Variants in POTEC observed in about 807,000 individuals in gnomAD.
POTEC encodes ANKRD26-like family B member 2.
In POTEC, 35 loss-of-function variants were observed where a neutral mutation model predicts 62.0. The observed-to-expected ratio is 0.56, with a 90% CI of 0.43 to 0.75. POTEC has a LOEUF of 0.75. Ranked by LOEUF, POTEC falls within the 30% of genes least tolerant of loss-of-function variation. The pLI, the probability that POTEC is intolerant of heterozygous loss-of-function variation, is 0.00. For synonymous variants in POTEC, 156 were observed against 221.5 expected, an observed-to-expected ratio of 0.70 and a Z score of 2.62; for missense variants, 472 against 655.9, an observed-to-expected ratio of 0.72 and a Z score of 3.06.
intron 6 of POTEC, chr18:14,529,034 C>T (rs1304746118): frequency 2.2e-6 from 1 of 454,318 alleles, no homozygotes; most frequent in Admixed American, 2.4e-5. Flanking sequence ...CATTATTCTT[C>T]TGCTTCTTTA....
In POTEC at chr18:14,530,490, G is replaced by A. The variant is rs773813951; in HGVS notation, c.1119C>T (p.Ser373=). ...CATTATCACAAGTCTTACCTGGATT[G>A]CTGTTTTCAGAAGAGATTTTTAGCA... The part of the protein sequence containing the change: ...KQMLKISSEN[S]NPEQDLKLTS... The change falls in exon 6 of 11, where the codon AGC becomes AGT. Residue 373 remains serine (S), a synonymous_variant. Coordinates refer to ENST00000358970, the MANE Select transcript of POTEC (RefSeq NM_001137671.2). 6.3e-7 allele frequency: 1 copy of A among 1,596,740 alleles called. No individual in the cohort carries two copies. Among genetic ancestry groups the A allele is most frequent in the Non-Finnish European group, 8.5e-7 (1 of 1,172,000 alleles).
At position 14,513,788 on chromosome 18, in the gene POTEC, A is replaced by G. The variant is rs779244281; in HGVS notation, c.1410-3T>C. On this transcript the variant is annotated splice_polypyrimidine_tract_variant and splice_region_variant and intron_variant, in intron 9 of 10. Transcript: ENST00000358970. ...TCCGGGTATCATTTTGTTCGTCACT[A>G]GAAGAAATTTTAATTTTCATGAAAT... 83 of 1,606,258 alleles carry G rather than the reference A, an allele frequency of 5.2e-5. No individual in the cohort carries two copies. The highest frequency in any genetic ancestry group is 2.9e-4 in the South Asian group (26 of 89,490).
chr18:14,518,109 T>C (rs1910213186), intron 9 of POTEC, among the ~76,000 whole-genome samples: 1 of 152,188 alleles, frequency 6.6e-6, no homozygotes, highest in Non-Finnish European at 1.5e-5. Context: ...TGAGAATTAA[T>C]CAAACAATAT....
rs199534334 is a variant in POTEC, at chr18:14,542,744, C to T, written c.403G>A (p.Val135Ile). Residue 135 changes from valine to isoleucine, a missense_variant, in exon 1 of 11, where the codon GTC (valine) becomes ATC (isoleucine). Transcript: ENST00000358970. The stretch of plus-strand genomic sequence containing the variant: ...AGCTTGTCCAGATCTTCTCGACGGA[C>T]GTGGTACCTCGGCTCCATGAAGGCG... ...DSAFMEPRYH[V>I]RREDLDKLHR... 5 of 1,613,334 alleles carry T rather than the reference C, an allele frequency of 3.1e-6. No homozygotes were observed. The highest frequency in any genetic ancestry group is 2.2e-5 in the East Asian group (1 of 44,882).
At chr18:14,515,454 G>A (rs775331083) in intron 9 of POTEC, among the ~76,000 whole-genome samples, 31 of 152,006 alleles carry the variant, frequency 2.0e-4, no homozygotes, top group Non-Finnish European at 2.9e-4. Flanking sequence ...GAAAGTACAC[G>A]TTATTCAACA....
chr18:14,542,953 C>A lies in POTEC; in HGVS notation c.194G>T (p.Cys65Phe). Residue 65 changes from cysteine (C) to phenylalanine (F), a missense_variant, in exon 1 of 11, where the codon TGC becomes TTC. By Grantham distance (205) the Cys-to-Phe change is radical. Around this residue, in one of 5 missense-constraint regions of POTEC, gnomAD observed 257 missense variants for 250.7 expected, o/e 1.03. Coordinates refer to ENST00000358970, the MANE Select transcript of POTEC (RefSeq NM_001137671.2). ...CCTGCAGCAGGGGAAGCAGTGGTGG[C>A]AACACTTGCCCATCTTGCTCCTGAG... Reference protein sequence around the residue: ...KMLRSKMGKCCHHCFPCCRGS... With the variant: ...KMLRSKMGKCFHHCFPCCRGS... 1 of 1,553,524 alleles carries A rather than the reference C, an allele frequency of 6.4e-7. No homozygotes were observed. The highest frequency in any genetic ancestry group is 8.7e-7 in the Non-Finnish European group (1 of 1,148,490).
intron 6 of POTEC, among the ~76,000 whole-genome samples, chr18:14,526,934 T>C (rs2143138420): frequency 6.6e-6 from 1 of 152,286 alleles, no homozygotes; most frequent in Admixed American, 6.5e-5. Context: ...ACAGCTGAGA[T>C]GATACTACGT....
chr18:14,535,866 G>T (rs1905695578), intron 3 of POTEC, among the ~76,000 whole-genome samples: 1 of 151,900 alleles, frequency 6.6e-6, no homozygotes. Context: ...AATTTCTAAA[G>T]ACCTTCTGAA....
intron 1 of POTEC, among the ~76,000 whole-genome samples, chr18:14,539,139 G>A (rs1905847301): frequency 6.6e-6 from 1 of 151,714 alleles, no homozygotes; most frequent in Non-Finnish European, 1.5e-5. Flanking sequence ...AATAGCATGG[G>A]CTCATTTTTT....
rs1294010142 is a variant in POTEC, at chr18:14,508,099, G to C, written c.*3799C>G. The C allele has an allele frequency of 6.6e-6, 1 of 152,146 alleles. No individual in the cohort carries two copies. Among genetic ancestry groups the C allele is most frequent in the Admixed American group, 6.5e-5 (1 of 15,280 alleles). The allele number at this position is 152,146 out of a possible 1,614,324, so 9.4% of individuals were successfully genotyped here. A position where few individuals can be genotyped will look rare whatever the true frequency, so the allele number is the denominator to read the frequency against. ...GAGGTTCTCTGGATTTCCTGAAGTT[G>C]AATGTTGGCCTGTCTGGCTAGGTTG... On this transcript the variant is annotated 3_prime_UTR_variant, in exon 11 of 11. Transcript: ENST00000358970.
At position 14,522,244 on chromosome 18, in the gene POTEC, A is replaced by G. The variant is rs755246764; in HGVS notation, c.1409+10T>C. 3.2e-6 allele frequency: 5 copies of G among 1,581,576 alleles called. No homozygotes were observed. In the African/African-American group the frequency reaches 6.9e-5, roughly 22 times the overall value. Reference sequence around the variant, plus strand: ...TAGTTATCTCCTATTAAATGTTGCCATAGGCTTACCTGTGATACTCTTCAT... The same window carrying G: ...TAGTTATCTCCTATTAAATGTTGCCGTAGGCTTACCTGTGATACTCTTCAT... On this transcript the variant is annotated intron_variant, in intron 9 of 10. Transcript: ENST00000358970.
chr18:14,536,051 T>C (rs889166216), intron 3 of POTEC, among the ~76,000 whole-genome samples: 1 of 151,368 alleles, frequency 6.6e-6, no homozygotes, highest in Non-Finnish European at 1.5e-5. Context: ...GTGATTCACT[T>C]GAGCCCAGGA....
intron 6 of POTEC, chr18:14,529,029 T>C (rs1314425915): frequency 2.2e-6 from 1 of 454,368 alleles, no homozygotes; most frequent in Admixed American, 2.4e-5. Context: ...CCAAACATTA[T>C]TCTTCTGCTT....
chr18:14,514,208 G>A (rs1290138689), intron 9 of POTEC, among the ~76,000 whole-genome samples: 1 of 152,066 alleles, frequency 6.6e-6, no homozygotes, highest in East Asian at 1.9e-4. Flanking sequence ...CTCATAAGGA[G>A]TGAACAACCT....
At chr18:14,516,670 G>GT (rs1341136771) in intron 9 of POTEC, among the ~76,000 whole-genome samples, 47 of 145,392 alleles carry the variant, frequency 3.2e-4, no homozygotes, top group African/African-American at 1.2e-3. Flanking sequence ...TACTGGGGGG[G>GT]GGTGTATCCT....
chr18:14,517,848 G>A (rs1343970000), intron 9 of POTEC, among the ~76,000 whole-genome samples: 4 of 152,246 alleles, frequency 2.6e-5, no homozygotes, highest in South Asian at 4.1e-4. Flanking sequence ...GGGATACAGC[G>A]AGACTCAATC....
chr18:14,517,937 A>G (rs1215294657), intron 9 of POTEC, among the ~76,000 whole-genome samples: 1 of 152,202 alleles, frequency 6.6e-6, no homozygotes, highest in African/African-American at 2.4e-5. Flanking sequence ...GATTACTAGT[A>G]AAAGAATAAA....
chr18:14,531,656 A>G (rs1905521087), intron 5 of POTEC: 1 of 151,834 alleles, frequency 6.6e-6, no homozygotes, highest in Non-Finnish European at 1.5e-5. Flanking sequence ...AAATAGTGAA[A>G]TGATCTTCCA....
At chr18:14,534,578 T>C (rs988733555) in intron 4 of POTEC, among the ~76,000 whole-genome samples, 14 of 152,008 alleles carry the variant, frequency 9.2e-5, no homozygotes, top group South Asian at 2.1e-4. Flanking sequence ...AGAAGTTCAA[T>C]ACTGAGTCAT....
Sources: gnomAD v4.1 joint callset for allele counts (sites outside exome capture counted in the v4.1 genomes callset) on GRCh38, gnomAD v4.1.1 for gene constraint, gnomAD v4.1.1 regional missense constraint, MANE v1.5 for transcripts, NCBI Gene and HGNC (gene_info 2026-07-23, HGNC 2026-07-21) for gene names.